The following TMED4 variants were observed in gnomAD, a reference collection of about 807,000 sequenced individuals.
TMED4 encodes the protein transmembrane emp24 domain-containing protein 4.
Under a neutral mutation model 26.5 loss-of-function variants are expected in TMED4, and 19 were observed. That is an observed-to-expected ratio of 0.72 (90% CI 0.50 to 1.05). The LOEUF is 1.05. Among genes scored for constraint, TMED4 ranks in the 50% least tolerant of loss-of-function variants. The pLI, the probability that TMED4 is intolerant of heterozygous loss-of-function variation, is 0.00. For synonymous variants in TMED4, 121 were observed against 119.8 expected (o/e 1.01, Z -0.07); for missense variants, 303 against 302.5 (o/e 1.00, Z -0.01).
rs897999544 is a variant in TMED4, at chr7:44,578,566, C to G, written c.*913G>C. Reference sequence around the variant, plus strand: ...GGTGCCTGCTTTCTGGCCCACAGACCGCTGAAATCCTAGGAGCTGCCATGG... The same window carrying G: ...GGTGCCTGCTTTCTGGCCCACAGACGGCTGAAATCCTAGGAGCTGCCATGG... On this transcript the variant is annotated 3_prime_UTR_variant, in exon 5 of 5. Transcript: ENST00000457408. 1.3e-5 allele frequency: 2 copies of G among 152,036 alleles called. No individual in the cohort carries two copies. The highest frequency in any genetic ancestry group is 2.9e-5 in the Non-Finnish European group (2 of 68,034). 9.4% of individuals were successfully genotyped at this position (152,036 alleles called of 1,614,324 possible). A position where few individuals can be genotyped will look rare whatever the true frequency, so the allele number is the denominator to read the frequency against.
rs1386943709 is a variant in TMED4 at position 44,579,521 on chromosome 7, C to T, written c.642G>A (p.Met214Ile). 1 of 1,614,118 alleles carries T rather than the reference C, an allele frequency of 6.2e-7. No homozygotes were observed. Among genetic ancestry groups the T allele is most frequent in the South Asian group, 1.1e-5 (1 of 91,086 alleles). The change falls in exon 5 of 5, where the codon ATG (methionine) becomes ATA (isoleucine). Residue 214 changes from methionine (M) to isoleucine (I), a missense_variant. By Grantham distance (10) the Met-to-Ile change is conservative. Coordinates refer to ENST00000457408, the MANE Select transcript of TMED4 (RefSeq NM_182547.4). ...VILILTGIWQ[M>I]RHLKSFFEAK... ...CCTCAAAGAAGCTCTTGAGGTGACGCATCTGCCAGATGCCAGTGAGGATGA... is the reference window on the plus strand; with the variant it reads ...CCTCAAAGAAGCTCTTGAGGTGACGTATCTGCCAGATGCCAGTGAGGATGA...
intron 2 of TMED4, 51 bp from the exon 3 acceptor site, chr7:44,581,625 G>A (rs749377350): frequency 1.6e-5 from 26 of 1,614,034 alleles, no homozygotes; most frequent in Non-Finnish European, 2.1e-5. Context: ...GGCTCTCCAA[G>A]TGCAAGTTCC....
chr7:44,579,120 G>A lies in TMED4; in HGVS notation c.*359C>T, dbSNP rs1322254392. 5.2e-6 allele frequency: 1 copy of A among 191,094 alleles called. No individual in the cohort carries two copies. Among genetic ancestry groups the A allele is most frequent in the Non-Finnish European group, 1.1e-5 (1 of 91,282 alleles). The allele number at this position is 191,094 out of a possible 1,614,324, so 11.8% of individuals were successfully genotyped here. The stretch of plus-strand genomic sequence containing the variant: ...AGGCAGGGCCTGCTCTGTGGCACAT[G>A]CCAGTCACCTACTGCGTAAGTGGAC... On this transcript the variant is annotated 3_prime_UTR_variant, in exon 5 of 5. Coordinates refer to ENST00000457408, the MANE Select transcript of TMED4 (RefSeq NM_182547.4).
rs1478541996 is a variant in TMED4, at chr7:44,578,033, T to C, written c.*1446A>G. 6.6e-6 allele frequency: 1 copy of C among 152,188 alleles called. No individual in the cohort carries two copies. Among genetic ancestry groups the C allele is most frequent in the Non-Finnish European group, 1.5e-5 (1 of 68,030 alleles). 9.4% of individuals were successfully genotyped at this position (152,188 alleles called of 1,614,324 possible). A position where few individuals can be genotyped will look rare whatever the true frequency, so the allele number is the denominator to read the frequency against. ...ATGAGGGAAGTGTATTAAAATTTGT[T>C]CAAATTTATGACTGAGAGGGCTAAG... On this transcript the variant is annotated 3_prime_UTR_variant, in exon 5 of 5. Coordinates refer to ENST00000457408, the MANE Select transcript of TMED4 (RefSeq NM_182547.4).
Position 44,581,129 on chromosome 7 carries a change from C to T in TMED4, c.498G>A (p.Gln166=). 6.2e-7 allele frequency: 1 copy of T among 1,614,150 alleles called. No individual in the cohort carries two copies. Residue 166 remains glutamine (Q), a synonymous_variant, in exon 4 of 5, where the codon CAG becomes CAA. Coordinates refer to ENST00000457408, the MANE Select transcript of TMED4 (RefSeq NM_182547.4). ...LQLRARQLLD[Q]VEQIQKEQDY... is the part of the protein sequence containing the mutation. ...CCTGCTCCTTCTGAATCTGTTCCAC[C>T]TGATCAAGCAACTGGCGGGCGCGGA...
In TMED4 at chr7:44,578,160, T is replaced by C. The variant is rs530387979; in HGVS notation, c.*1319A>G. ...CCACACCGTGTATTCCCATACCCCC[T>C]AGACTGCCTGTCCAGGCCAAGCCTT... On this transcript the variant is annotated 3_prime_UTR_variant, in exon 5 of 5. Transcript: ENST00000457408. 6.6e-6 allele frequency: 1 copy of C among 152,308 alleles called. No individual in the cohort carries two copies. Among genetic ancestry groups the C allele is most frequent in the East Asian group, 1.9e-4 (1 of 5,184 alleles). 9.4% of individuals were successfully genotyped at this position (152,308 alleles called of 1,614,324 possible). A position where few individuals can be genotyped will look rare whatever the true frequency, so the allele number is the denominator to read the frequency against.
Position 44,580,913 on chromosome 7 carries a change from A to C in TMED4, c.534+180T>G, listed in dbSNP as rs554907098. 9.3e-5 allele frequency: 61 copies of C among 657,162 alleles called. 1 individual carries two copies. The highest frequency in any genetic ancestry group is 4.2e-4 in the Admixed American group (14 of 33,510). The allele number at this position is 657,162 out of a possible 1,614,324, so 40.7% of individuals were successfully genotyped here. On this transcript the variant is annotated intron_variant, in intron 4 of 4. Coordinates refer to ENST00000457408, the MANE Select transcript of TMED4 (RefSeq NM_182547.4). The stretch of plus-strand genomic sequence containing the variant: ...CAGTGAGCCAAGATCATGGCATTGC[A>C]CTCCAGCATGGGCAACAAGAGTGAA...
At chr7:44,579,767 G>A (rs1802922167) in intron 4 of TMED4, 139 bp from the exon 5 acceptor site, 2 of 807,652 alleles carry the variant, frequency 2.5e-6, no homozygotes, top group African/African-American at 3.4e-5. Context: ...GAGTGCTATG[G>A]TCTCCCCACT....
rs1210115370 is a variant in TMED4 at position 44,581,978 on chromosome 7, C to T, written c.160+69G>A. On this transcript the variant is annotated intron_variant, in intron 1 of 4. Coordinates refer to ENST00000457408, the MANE Select transcript of TMED4 (RefSeq NM_182547.4). ...GGGGAGCCAGCGACCCGGCTGGGCT[C>T]GGGAGGAGGGAGCGCCGCCGAGGGC... The T allele has an allele frequency of 4.6e-6, 7 of 1,523,448 alleles. No individual in the cohort carries two copies. In the East Asian group the frequency reaches 7.3e-5, roughly 16 times the overall value. The allele number at this position is 1,523,448 out of a possible 1,614,324, so 94.4% of individuals were successfully genotyped here.
chr7:44,581,858 G>C, intron 1 of TMED4, 35 bp from the exon 2 acceptor site: 1 of 1,604,772 alleles, frequency 6.2e-7, no homozygotes, highest in Non-Finnish European at 8.5e-7. Flanking sequence ...ACCGGCCCTA[G>C]TGGGCCGCCT....
rs143175119 is a variant in TMED4 at position 44,582,121 on chromosome 7, C to G, written c.86G>C (p.Gly29Ala). The change falls in exon 1 of 5, where the codon GGG becomes GCG. Residue 29 changes from glycine (G) to alanine (A), a missense_variant. Transcript: ENST00000457408. ...LLALCATGAQGLYFHIGETEK... is the reference protein window; with the variant it reads ...LLALCATGAQALYFHIGETEK... ...GGTCTCGCCGATGTGGAAGTAGAGC[C>G]CCTGGGCGCCTGTGGCGCACAGCGC... 1.4e-3 allele frequency: 2,187 copies of G among 1,555,898 alleles called. 1 individual carries two copies. Among genetic ancestry groups the G allele is most frequent in the Non-Finnish European group, 1.8e-3 (2,099 of 1,149,920 alleles).
rs1803025201 is a variant in TMED4, at chr7:44,582,117, G to C, written c.90C>G (p.Leu30=). 2.6e-6 allele frequency: 4 copies of C among 1,557,000 alleles called. No individual in the cohort carries two copies. Among genetic ancestry groups the C allele is most frequent in the Middle Eastern group, 1.7e-4 (1 of 5,996 alleles). The part of the protein sequence containing the change: ...LALCATGAQG[L]YFHIGETEKR... ...TCTCGGTCTCGCCGATGTGGAAGTA[G>C]AGCCCCTGGGCGCCTGTGGCGCACA... The change falls in exon 1 of 5, where the codon CTC becomes CTG. Residue 30 remains leucine, a synonymous_variant. Transcript: ENST00000457408.
At chr7:44,580,925 G>T in intron 4 of TMED4, 168 bp downstream of exon 4, 1 of 731,058 alleles carries the variant, frequency 1.4e-6, no homozygotes. Flanking sequence ...TCCAGCATGG[G>T]CAACAAGAGT....
At position 44,581,729 on chromosome 7, in the gene TMED4, G is replaced by A; in HGVS notation, c.255C>T (p.Asp85=). ...LGMHVEVKDP[D]GKVVLSRQYG... is the part of the protein sequence containing the mutation. ...GGGCCAACGCCAGCCTTACCTTGCC[G>A]TCGGGGTCCTTCACTTCCACGTGCA... Residue 85 remains aspartate, a synonymous_variant, in exon 2 of 5, where the codon GAC becomes GAT. Coordinates refer to ENST00000457408, the MANE Select transcript of TMED4 (RefSeq NM_182547.4). 1 of 1,614,190 alleles carries A rather than the reference G, an allele frequency of 6.2e-7. No homozygotes were observed. Among genetic ancestry groups the A allele is most frequent in the South Asian group, 1.1e-5 (1 of 91,092 alleles).
In TMED4 at chr7:44,579,040, C is replaced by T. The variant is rs1227981614; in HGVS notation, c.*439G>A. On this transcript the variant is annotated 3_prime_UTR_variant, in exon 5 of 5. Transcript: ENST00000457408. ...AATCCTCTAGGGCCAAGACCTGCCC[C>T]TTATTTACATTCACAAAGCCATTAA... The T allele has an allele frequency of 6.5e-6, 1 of 153,262 alleles. No homozygotes were observed. Among genetic ancestry groups the T allele is most frequent in the Non-Finnish European group, 1.5e-5 (1 of 68,788 alleles). The allele number at this position is 153,262 out of a possible 1,614,324, so 9.5% of individuals were successfully genotyped here. A position where few individuals can be genotyped will look rare whatever the true frequency, so the allele number is the denominator to read the frequency against.
chr7:44,579,713 C>G (rs1480542660), intron 4 of TMED4, 85 bp from the exon 5 acceptor site: 2 of 1,441,068 alleles, frequency 1.4e-6, no homozygotes, highest in African/African-American at 2.8e-5. Flanking sequence ...TTACTCAACT[C>G]CAGGACCAAA....
rs1263350521 is a variant in TMED4 at position 44,582,175 on chromosome 7, G to C, written c.32C>G (p.Ala11Gly). 1 of 1,547,624 alleles carries C rather than the reference G, an allele frequency of 6.5e-7. No homozygotes were observed. The highest frequency in any genetic ancestry group is 2.0e-5 in the Admixed American group (1 of 50,374). MAGVGAGPLR[A>G]MGRQALLLLA... Reference sequence around the variant, plus strand: ...AAGCAGCAGGGCCTGCCGCCCCATCGCCCGCAGAGGCCCAGCCCCGACACC... The same window carrying C: ...AAGCAGCAGGGCCTGCCGCCCCATCCCCCGCAGAGGCCCAGCCCCGACACC... The change falls in exon 1 of 5, where the codon GCG becomes GGG. Residue 11 changes from alanine (A) to glycine (G), a missense_variant. Transcript: ENST00000457408.
In TMED4 at chr7:44,579,512, G is replaced by T. The variant is rs781211445; in HGVS notation, c.651C>A (p.Leu217=). The change falls in exon 5 of 5, where the codon CTC becomes CTA. Residue 217 remains leucine, a synonymous_variant. Transcript: ENST00000457408. ...ILTGIWQMRH[L]KSFFEAKKLV ...GCTTCTTGGCCTCAAAGAAGCTCTT[G>T]AGGTGACGCATCTGCCAGATGCCAG... The T allele has an allele frequency of 7.4e-6, 12 of 1,614,006 alleles. No individual in the cohort carries two copies. Among genetic ancestry groups the T allele is most frequent in the Non-Finnish European group, 9.3e-6 (11 of 1,180,004 alleles).
At chr7:44,581,969 G>T in intron 1 of TMED4, 78 bp downstream of exon 1, 1 of 1,522,926 alleles carries the variant, frequency 6.6e-7, no homozygotes. Context: ...CCAGCGACCC[G>T]GCTGGGCTCG....
Sources: gnomAD v4.1 joint callset for allele counts on GRCh38, gnomAD v4.1.1 for gene constraint, MANE v1.5 for transcripts, NCBI Gene and HGNC (gene_info 2026-07-23, HGNC 2026-07-21) for gene names.